CHI3L2: variants seen among roughly 807,000 people sequenced by gnomAD.
CHI3L2 encodes chitinase-3-like protein 2.
In CHI3L2, 47 loss-of-function variants were observed where a neutral mutation model predicts 47.3. The ratio of observed to expected loss-of-function variants is 0.99; its 90% CI spans 0.79 to 1.27. The LOEUF is 1.27. CHI3L2 is among the 50% of genes most tolerant of loss of function. The probability of loss-of-function intolerance (pLI) is 0.00; values close to 1 mark genes in which losing one functional copy is unlikely to be tolerated. For missense variants in CHI3L2, 497 were observed against 462.1 expected (o/e 1.08, Z -0.69); for synonymous variants, 198 against 169.9 (o/e 1.17, Z -1.28).
chr1:111,239,355 A>G (rs76949642), intron 8 of CHI3L2: 8,428 of 162,384 alleles, frequency 0.052, 682 homozygotes, highest in African/African-American at 0.18. Flanking sequence ...TGGGACATAC[A>G]GATAACAGGT....
rs900778952 is a variant in CHI3L2, at chr1:111,238,740, C to T, written c.736-10C>T. The T allele has an allele frequency of 1.2e-6, 2 of 1,613,168 alleles. No individual in the cohort carries two copies. Among genetic ancestry groups the T allele is most frequent in the Middle Eastern group, 1.7e-4 (1 of 6,058 alleles). On this transcript the variant is annotated splice_polypyrimidine_tract_variant and intron_variant, in intron 7 of 10. Transcript: ENST00000369748. ...CACACTCTGAGCCTCCATCTCTCTTCCCATTCTAGGAATATGCTGTGGGGT... is the reference window on the plus strand; with the variant it reads ...CACACTCTGAGCCTCCATCTCTCTTTCCATTCTAGGAATATGCTGTGGGGT...
chr1:111,232,247 T>C (rs952998811), intron 4 of CHI3L2, among the ~76,000 whole-genome samples: 1 of 152,234 alleles, frequency 6.6e-6, no homozygotes, highest in African/African-American at 2.4e-5. Flanking sequence ...TGAATGGGCT[T>C]CCATGGCACC....
At chr1:111,228,788 A>G (rs1479447755) in intron 1 of CHI3L2, among the ~76,000 whole-genome samples, 1 of 152,210 alleles carries the variant, frequency 6.6e-6, no homozygotes, top group African/African-American at 2.4e-5. Context: ...AGAGTGAACA[A>G]TATCCCCAGG....
At chr1:111,232,204 CTG>C (rs1659743637) in intron 4 of CHI3L2, among the ~76,000 whole-genome samples, 1 of 152,198 alleles carries the variant, frequency 6.6e-6, no homozygotes, top group Non-Finnish European at 1.5e-5. Context: ...TTTTTTGGTT[CTG>C]TGTTAACTCC....
In CHI3L2 at chr1:111,227,727, G is replaced by T. The variant is rs1659565167; in HGVS notation, c.-3G>T. ...TGTATCCCAGAAGAAGCTGGCCAAGGATATGGGAGCAACCACCATGGACCA... is the reference window on the plus strand; with the variant it reads ...TGTATCCCAGAAGAAGCTGGCCAAGTATATGGGAGCAACCACCATGGACCA... On this transcript the variant is annotated 5_prime_UTR_variant, in exon 1 of 11. Coordinates refer to ENST00000369748, the MANE Select transcript of CHI3L2 (RefSeq NM_004000.3). 1 of 1,614,050 alleles carries T rather than the reference G, an allele frequency of 6.2e-7. No individual in the cohort carries two copies. Among genetic ancestry groups the T allele is most frequent in the Admixed American group, 1.7e-5 (1 of 60,008 alleles).
chr1:111,235,968 A>C (rs969005099), intron 6 of CHI3L2, 56 bp from the exon 7 acceptor site: 1 of 1,602,826 alleles, frequency 6.2e-7, no homozygotes, highest in Non-Finnish European at 8.5e-7. Flanking sequence ...AATTACTTAC[A>C]ATTGTTTCTA....
intron 8 of CHI3L2, among the ~76,000 whole-genome samples, chr1:111,240,132 G>GAA (rs34323025): frequency 2.0e-5 from 3 of 151,296 alleles, no homozygotes; most frequent in Non-Finnish European, 4.4e-5. Flanking sequence ...ATCAGGTAGA[G>GAA]AAAAAAAAAT....
chr1:111,236,244 T>A, intron 7 of CHI3L2, 91 bp downstream of exon 7: 2 of 1,396,496 alleles, frequency 1.4e-6, no homozygotes, highest in Non-Finnish European at 2.0e-6. Context: ...TGTCTTGAAC[T>A]GAGGAAGAGC....
intron 7 of CHI3L2, among the ~76,000 whole-genome samples, chr1:111,237,330 G>C (rs1659914189): frequency 6.6e-6 from 1 of 152,218 alleles, no homozygotes; most frequent in Non-Finnish European, 1.5e-5. Context: ...AGGACAGCTT[G>C]GAGGTTAGAA....
At position 111,236,057 on chromosome 1, in the gene CHI3L2, C is replaced by T. The variant is rs781411483; in HGVS notation, c.639C>T (p.Asp213=). ...ATTTCATCAACCTCCTGTCCTTTGA[C>T]TTCCATGGGTCTTGGGAAAAGCCCC... ...DLDFINLLSF[D]FHGSWEKPLI... Residue 213 remains aspartate (D), a synonymous_variant, in exon 7 of 11, where the codon GAC becomes GAT. Transcript: ENST00000369748. The T allele has an allele frequency of 1.9e-6, 3 of 1,614,234 alleles. No homozygotes were observed. In the Admixed American group the frequency reaches 5.0e-5, roughly 27 times the overall value.
At position 111,236,218 on chromosome 1, in the gene CHI3L2, T is replaced by G. The variant is rs1571228354; in HGVS notation, c.735+65T>G. ...GGGTGGGGCTGGGGAGAGTCCAGCA[T>G]GTCTAGAGTTACTTCTGTCTTGAAC... is the stretch of plus-strand genomic sequence containing the variant. On this transcript the variant is annotated intron_variant, in intron 7 of 10. Transcript: ENST00000369748. 20 of 1,538,830 alleles carry G rather than the reference T, an allele frequency of 1.3e-5. No individual in the cohort carries two copies. The East Asian group carries it at 4.5e-4, about 35-fold the overall frequency.
rs1410770002 is a variant in CHI3L2, at chr1:111,230,842, T to C, written c.171T>C (p.Ser57=). Residue 57 remains serine, a synonymous_variant, in exon 3 of 11, where the codon TCT becomes TCC. Transcript: ENST00000369748. ...TPENIDPFLC[S]HLIYSFASIE... ...AGAATATTGACCCCTTCCTATGCTC[T>C]CATCTCATCTATTCATTCGCCAGCA... is the stretch of plus-strand genomic sequence containing the variant. 2 of 1,613,988 alleles carry C rather than the reference T, an allele frequency of 1.2e-6. No individual in the cohort carries two copies. The highest frequency in any genetic ancestry group is 2.7e-5 in the African/African-American group (2 of 74,912).
chr1:111,235,847 G>T, intron 6 of CHI3L2, 84 bp downstream of exon 6: 1 of 1,571,258 alleles, frequency 6.4e-7, no homozygotes, highest in Non-Finnish European at 8.7e-7. Flanking sequence ...GACGGATGAG[G>T]GGAGGAGGAA....
chr1:111,228,530 G>A (rs1659595494), intron 1 of CHI3L2, among the ~76,000 whole-genome samples: 1 of 152,220 alleles, frequency 6.6e-6, no homozygotes, highest in African/African-American at 2.4e-5. Flanking sequence ...AGAAGGGCCT[G>A]GAGGCTGACC....
At chr1:111,236,300 C>A in intron 7 of CHI3L2, 147 bp downstream of exon 7, 1 of 808,880 alleles carries the variant, frequency 1.2e-6, no homozygotes, top group Non-Finnish European at 1.9e-6. Context: ...CAAGTGAGTG[C>A]AGGAGAAGTG....
At chr1:111,240,730 C>CT (rs1482583226) in intron 8 of CHI3L2, among the ~76,000 whole-genome samples, 3 of 152,060 alleles carry the variant, frequency 2.0e-5, no homozygotes, top group African/African-American at 4.8e-5. Context: ...GAAGATTTAT[C>CT]TTTTTTAGAG....
intron 2 of CHI3L2, among the ~76,000 whole-genome samples, chr1:111,230,502 C>G (rs1659683549): frequency 6.6e-6 from 1 of 152,138 alleles, no homozygotes; most frequent in African/African-American, 2.4e-5. Context: ...AGTCCTCCTG[C>G]CTCAGCCTCC....
intron 7 of CHI3L2, among the ~76,000 whole-genome samples, chr1:111,237,642 T>C (rs1247877637): frequency 1.3e-5 from 2 of 152,206 alleles, no homozygotes; most frequent in African/African-American, 4.8e-5. Flanking sequence ...TTGTCTTCTC[T>C]AACCCTTTAT....
intron 1 of CHI3L2, among the ~76,000 whole-genome samples, chr1:111,229,425 G>A (rs903500980): frequency 6.6e-6 from 1 of 152,080 alleles, no homozygotes; most frequent in Non-Finnish European, 1.5e-5. Context: ...GCTCACGCCT[G>A]TAATCCCAGC....
Sources: gnomAD v4.1 joint callset for allele counts (sites outside exome capture counted in the v4.1 genomes callset) on GRCh38, gnomAD v4.1.1 for gene constraint, MANE v1.5 for transcripts, NCBI Gene and HGNC (gene_info 2026-07-23, HGNC 2026-07-21) for gene names.